POLA1: variants seen among roughly 807,000 people sequenced by gnomAD.
POLA1 encodes DNA polymerase alpha catalytic subunit.
POLA1 carries 15 observed loss-of-function variants against 124.0 expected under a neutral mutation model. That is an observed-to-expected ratio of 0.12 (90% CI 0.08 to 0.19). POLA1 has a LOEUF of 0.19. Ranked by LOEUF, POLA1 falls within the 10% of genes least tolerant of loss-of-function variation. The probability of loss-of-function intolerance (pLI) is 1.00; values close to 1 mark genes in which losing one functional copy is unlikely to be tolerated. For synonymous variants in POLA1, 408 were observed against 389.4 expected (o/e 1.05, Z -0.56); for missense variants, 886 against 1,103.4 (o/e 0.80, Z 2.79).
chrX:24,730,214 A>G (rs1413834002), intron 15 of POLA1, among the ~76,000 whole-genome samples: 1 of 111,443 alleles, frequency 9.0e-6, no homozygotes, highest in African/African-American at 3.3e-5. Flanking sequence ...GTCCAGAATG[A>G]GGTTTCCACA....
At chrX:24,705,667 CT>C (rs1173347366) in intron 4 of POLA1, among the ~76,000 whole-genome samples, 3 of 110,779 alleles carry the variant, frequency 2.7e-5, no homozygotes, top group Non-Finnish European at 5.7e-5. Context: ...TCTCTTTAGT[CT>C]TTTTTAGTGT....
chrX:24,876,776 C>A (rs1469313136), intron 34 of POLA1, among the ~76,000 whole-genome samples: 2 of 111,346 alleles, frequency 1.8e-5, no homozygotes, highest in Non-Finnish European at 3.8e-5. Flanking sequence ...CTGTTACCAT[C>A]CTAATTAATC....
chrX:24,872,882 G>A (rs1263521507), intron 34 of POLA1, among the ~76,000 whole-genome samples: 2 of 111,606 alleles, frequency 1.8e-5, no homozygotes, highest in African/African-American at 3.3e-5. Context: ...AAATAATTGA[G>A]TTTATTTTTT....
At chrX:24,815,737 A>G (rs2045980578) in intron 30 of POLA1, among the ~76,000 whole-genome samples, 1 of 111,728 alleles carries the variant, frequency 9.0e-6, no homozygotes, top group Non-Finnish European at 1.9e-5. Flanking sequence ...ATACAATGCT[A>G]CCCATTTTGT....
intron 34 of POLA1, among the ~76,000 whole-genome samples, chrX:24,852,610 G>A (rs1180635055): frequency 8.9e-6 from 1 of 112,060 alleles, no homozygotes; most frequent in Admixed American, 9.4e-5. Context: ...ATGCCTGGCT[G>A]ACCTCAGCTT....
At chrX:24,704,329 C>T in intron 3 of POLA1, 60 bp from the exon 4 acceptor site, 1 of 888,787 alleles carries the variant, frequency 1.1e-6, no homozygotes, top group Admixed American at 2.3e-5. Flanking sequence ...TTGGTCATGG[C>T]TAAAATATTA....
At chrX:24,907,141 A>G (rs1439404536) in intron 35 of POLA1, among the ~76,000 whole-genome samples, 1 of 111,482 alleles carries the variant, frequency 9.0e-6, no homozygotes, top group East Asian at 2.8e-4. Flanking sequence ...CAGTGAGCCA[A>G]GATCATGCCA....
At chrX:24,837,290 CTATCAG>C (rs1264030530) in intron 32 of POLA1, among the ~76,000 whole-genome samples, 1 of 112,007 alleles carries the variant, frequency 8.9e-6, no homozygotes, top group African/African-American at 3.2e-5. Flanking sequence ...CATCTGAAAT[CTATCAG>C]TATAAGTTAG....
chrX:24,944,316 C>G (rs2047938148), intron 36 of POLA1, among the ~76,000 whole-genome samples: 1 of 111,161 alleles, frequency 9.0e-6, no homozygotes, highest in African/African-American at 3.3e-5. Flanking sequence ...TCACAGCCAG[C>G]TTGCTCATCT....
chrX:24,941,762 A>G (rs1349897756), intron 36 of POLA1, among the ~76,000 whole-genome samples: 1 of 112,179 alleles, frequency 8.9e-6, no homozygotes, highest in African/African-American at 3.2e-5. Flanking sequence ...GAGTTAAATC[A>G]ACACTGATTA....
At chrX:24,990,483 A>G (rs1416172452) in intron 36 of POLA1, among the ~76,000 whole-genome samples, 2 of 112,412 alleles carry the variant, frequency 1.8e-5, no homozygotes, top group Admixed American at 9.4e-5. Context: ...ATCCACTGGT[A>G]CAATTGTCAA....
intron 26 of POLA1, among the ~76,000 whole-genome samples, chrX:24,754,266 G>A (rs1302078152): frequency 9.4e-6 from 1 of 106,910 alleles, no homozygotes; most frequent in Admixed American, 1.0e-4. Context: ...TTTTTTTGTG[G>A]GGGGCAGGGG....
chrX:24,830,607 GA>G (rs1197502773), intron 32 of POLA1, among the ~76,000 whole-genome samples: 17 of 111,557 alleles, frequency 1.5e-4, no homozygotes, highest in African/African-American at 5.5e-4. Flanking sequence ...AGCCCTATGG[GA>G]AACATGGCCA....
intron 34 of POLA1, among the ~76,000 whole-genome samples, chrX:24,863,448 T>C (rs895886120): frequency 1.8e-5 from 2 of 111,950 alleles, no homozygotes; most frequent in African/African-American, 6.5e-5. Context: ...CAATGAGTAG[T>C]TTCCCATCGA....
At chrX:24,816,232 T>C (rs750985223) in intron 30 of POLA1, among the ~76,000 whole-genome samples, 2 of 112,552 alleles carry the variant, frequency 1.8e-5, no homozygotes, top group East Asian at 5.5e-4. Context: ...TACCAATTGA[T>C]AATAGCAAAA....
Position 24,956,260 on chromosome X carries a change from T to TGGGTGG in POLA1, c.4261+25712_4261+25713insGGTGGG, listed in dbSNP as rs1424514505. On this transcript the variant is annotated intron_variant, in intron 36 of 36. Coordinates refer to ENST00000379068, the MANE Select transcript of POLA1 (RefSeq NM_001330360.2). ...GTGAGTTATGATCGTGCCACTGTACTGTAGCCTGGGTGACAAAGCAAGACC... is the reference window on the plus strand; with the variant it reads ...GTGAGTTATGATCGTGCCACTGTACTGGGTGGGTAGCCTGGGTGACAAAGCAAGACC... Among the ~76,000 whole-genome samples, 3 of 110,028 alleles carry TGGGTGG rather than the reference T, an allele frequency of 2.7e-5. No homozygotes were observed. In the East Asian group the frequency reaches 8.4e-4, roughly 31 times the overall value.
intron 35 of POLA1, among the ~76,000 whole-genome samples, chrX:24,896,765 T>G (rs1340185366): frequency 8.9e-6 from 1 of 112,376 alleles, no homozygotes; most frequent in Non-Finnish European, 1.9e-5. Context: ...TCATGGCTGT[T>G]AAAGAGTATA....
rs190331331 is a variant in POLA1 at position 24,965,525 on chromosome X, C to T, written c.4262-30280C>T. On this transcript the variant is annotated intron_variant, in intron 36 of 36. Coordinates refer to ENST00000379068, the MANE Select transcript of POLA1 (RefSeq NM_001330360.2). Reference sequence around the variant, plus strand: ...ATCCTTGTGTTGCTAAGCACTAAATCCAACAGTGTGTCTGATGGTGGCTGA... The same window carrying T: ...ATCCTTGTGTTGCTAAGCACTAAATTCAACAGTGTGTCTGATGGTGGCTGA... 8.5e-3 allele frequency among the ~76,000 whole-genome samples: 947 copies of T among 111,877 alleles called. 4 individuals are homozygous for T. The highest frequency in any genetic ancestry group is 0.012 in the Non-Finnish European group (616 of 53,216).
chrX:24,843,441 C>T (rs1014449457), intron 33 of POLA1, 105 bp from the exon 34 acceptor site: 7 of 515,688 alleles, frequency 1.4e-5, no homozygotes, highest in Middle Eastern at 3.5e-4. Flanking sequence ...ACCAATAAAA[C>T]GAATTAAGAA....
Sources: gnomAD v4.1 joint callset for allele counts (sites outside exome capture counted in the v4.1 genomes callset) on GRCh38, gnomAD v4.1.1 for gene constraint, MANE v1.5 for transcripts, NCBI Gene and HGNC (gene_info 2026-07-23, HGNC 2026-07-21) for gene names.